The following RNF17 variants were observed in gnomAD, a reference collection of about 807,000 sequenced individuals.
RNF17 encodes the protein ring finger protein 17.
In RNF17, 31 loss-of-function variants were observed where a neutral mutation model predicts 200.5. The observed-to-expected ratio is 0.15, with a 90% confidence interval of 0.12 to 0.21. The LOEUF (loss-of-function observed/expected upper bound fraction) is 0.21. RNF17 is among the 10% of genes least tolerant of loss of function. The pLI is 1.00. For synonymous variants in RNF17, 606 were observed against 637.8 expected (o/e 0.95, Z 0.75); for missense variants, 1,628 against 1,905.1 (o/e 0.85, Z 2.71).
intron 2 of RNF17, among the ~76,000 whole-genome samples, chr13:24,772,512 T>C (rs1880906859): frequency 6.6e-6 from 1 of 151,544 alleles, no homozygotes; most frequent in Non-Finnish European, 1.5e-5. Flanking sequence ...TTACAGCTTA[T>C]AGTTTTCTTG....
chr13:24,881,624 T>G (rs1953820181), downstream of RNF17, among the ~76,000 whole-genome samples: 2 of 151,324 alleles, frequency 1.3e-5, no homozygotes, highest in Non-Finnish European at 2.9e-5. Context: ...TAGCTATCTA[T>G]AATCTAGAGA....
intron 16 of RNF17, among the ~76,000 whole-genome samples, chr13:24,827,077 A>G (rs1451360004): frequency 6.6e-6 from 1 of 151,340 alleles, no homozygotes; most frequent in African/African-American, 2.4e-5. Flanking sequence ...AAAAAAAGAG[A>G]AGTCACCACG....
chr13:24,863,961 G>A (rs902653921), intron 28 of RNF17, among the ~76,000 whole-genome samples: 2 of 152,182 alleles, frequency 1.3e-5, no homozygotes, highest in African/African-American at 4.8e-5. Flanking sequence ...ACACACAGCT[G>A]GGGGCTGAGC....
chr13:24,810,906 A>C (rs908320836), intron 15 of RNF17, among the ~76,000 whole-genome samples: 1 of 149,214 alleles, frequency 6.7e-6, no homozygotes, highest in Non-Finnish European at 1.5e-5. Flanking sequence ...TATGAAGCTT[A>C]GTTTGGCTGG....
chr13:24,859,996 T>G (rs1483052154), intron 26 of RNF17, among the ~76,000 whole-genome samples: 3 of 152,044 alleles, frequency 2.0e-5, no homozygotes, highest in Admixed American at 2.0e-4. Context: ...AAGCATCTGA[T>G]TCCTAAACTT....
Position 24,866,099 on chromosome 13 carries a change from A to G in RNF17, c.4102-45A>G, listed in dbSNP as rs140702690. The stretch of plus-strand genomic sequence containing the variant: ...GATGAAATATGGAAAGTACCTTAAA[A>G]CAATATAGCTAAAGGTGATTTTACT... On this transcript the variant is annotated intron_variant, in intron 29 of 35. Coordinates refer to ENST00000255324, the MANE Select transcript of RNF17 (RefSeq NM_031277.3). 434 of 1,067,014 alleles carry G rather than the reference A, an allele frequency of 4.1e-4. 4 individuals carry two copies. In the East Asian group the frequency reaches 9.3e-3, roughly 23 times the overall value. The allele number at this position is 1,067,014 out of a possible 1,614,324, so 66.1% of individuals were successfully genotyped here.
intron 23 of RNF17, 44 bp from the exon 24 acceptor site, chr13:24,851,401 ATATGAAGATTT>A: frequency 1.7e-6 from 2 of 1,155,068 alleles, no homozygotes; most frequent in South Asian, 2.6e-5. Flanking sequence ...CACATTGTTT[ATATGAAGATTT>A]CATTTTGGTG....
chr13:24,795,999 TC>T (rs1033700532), intron 10 of RNF17, 137 bp from the exon 11 acceptor site: 5 of 512,640 alleles, frequency 9.8e-6, no homozygotes, highest in Non-Finnish European at 1.7e-5. Flanking sequence ...TTGCACTACT[TC>T]CTGGGGCCGA....
chr13:24,780,813 C>T lies in RNF17; in HGVS notation c.511-1031C>T, dbSNP rs531235709. On this transcript the variant is annotated intron_variant, in intron 5 of 35. Transcript: ENST00000255324. ...ATGAGAATCGCTTGAACCCGGGAGA[C>T]GGAGGTTGCAGTGAGCCAAGATCGT... Among the ~76,000 whole-genome samples, 6 of 151,884 alleles carry T rather than the reference C, an allele frequency of 4.0e-5. No homozygotes were observed. The South Asian group carries it at 8.3e-4, about 21-fold the overall frequency.
chr13:24,822,844 G>T (rs986158025), intron 15 of RNF17, among the ~76,000 whole-genome samples: 3 of 152,210 alleles, frequency 2.0e-5, no homozygotes, highest in African/African-American at 7.2e-5. Flanking sequence ...GTCAGTACCT[G>T]CAAGCCCTAT....
intron 25 of RNF17, among the ~76,000 whole-genome samples, chr13:24,854,483 AAC>A (rs1256354342): frequency 6.6e-6 from 1 of 151,816 alleles, no homozygotes; most frequent in East Asian, 1.9e-4. Context: ...TTTTTTAATG[AAC>A]ACTTACTGAG....
chr13:24,796,704 AC>A (rs2137687081), intron 11 of RNF17, among the ~76,000 whole-genome samples: 1 of 152,292 alleles, frequency 6.6e-6, no homozygotes, highest in South Asian at 2.1e-4. Context: ...GGCCTGTGGC[AC>A]CCATTCCCAG....
intron 18 of RNF17, among the ~76,000 whole-genome samples, chr13:24,836,088 C>G (rs1889964100): frequency 6.6e-6 from 1 of 152,106 alleles, no homozygotes. Flanking sequence ...TCGAATTAAC[C>G]TAATCCAACA....
intron 15 of RNF17, among the ~76,000 whole-genome samples, chr13:24,806,667 C>CT (rs1184996842): frequency 6.6e-6 from 1 of 151,844 alleles, no homozygotes; most frequent in African/African-American, 2.4e-5. Flanking sequence ...TATTATTATA[C>CT]TTTAAGTTTT....
chr13:24,885,233 T>C, the RNF17 span: 1 of 1,311,154 alleles, frequency 7.6e-7, no homozygotes, highest in South Asian at 1.2e-5. Flanking sequence ...TTAACCCATG[T>C]TTATTTTTTA....
In RNF17 at chr13:24,768,647, T is replaced by G. The variant is rs547438800; in HGVS notation, c.225+1281T>G. On this transcript the variant is annotated intron_variant, in intron 2 of 35. Transcript: ENST00000255324. ...TGATAAGGCTTTGTATCATTTGTTT[T>G]CTGTGGAAGTGTGGCAAACCCTATG... Among the ~76,000 whole-genome samples the G allele has an allele frequency of 9.9e-5, 15 of 152,010 alleles. No individual in the cohort carries two copies. The East Asian group carries it at 1.2e-3, about 12-fold the overall frequency.
chr13:24,764,098 G>A (rs1410620372), upstream of RNF17: 19 of 1,106,616 alleles, frequency 1.7e-5, no homozygotes, highest in Non-Finnish European at 2.5e-5. Context: ...TAATCTCCCG[G>A]CCCACTGTTT....
At chr13:24,767,246 A>AG in intron 1 of RNF17, 26 bp from the exon 2 acceptor site, 1 of 1,483,990 alleles carries the variant, frequency 6.7e-7, no homozygotes, top group Non-Finnish European at 9.4e-7. Flanking sequence ...CATCATCAAA[A>AG]TAATAATTAA....
At chr13:24,769,580 T>A (rs1880364490) in intron 2 of RNF17, among the ~76,000 whole-genome samples, 1 of 152,238 alleles carries the variant, frequency 6.6e-6, no homozygotes, top group Non-Finnish European at 1.5e-5. Context: ...ACCTAATATT[T>A]ATTTGGAATA....
Sources: allele counts gnomAD v4.1 joint callset (sites outside exome capture counted in the v4.1 genomes callset), GRCh38; gene constraint gnomAD v4.1.1; transcripts MANE v1.5; gene names NCBI Gene and HGNC (gene_info 2026-07-23, HGNC 2026-07-21).